The following NUP210L variants were observed in gnomAD, a reference collection of about 807,000 sequenced individuals.
NUP210L encodes the protein nuclear pore membrane glycoprotein 210-like.
A neutral mutation model predicts 208.5 loss-of-function variants in NUP210L; 74 were observed. The ratio of observed to expected loss-of-function variants is 0.35; its 90% CI spans 0.29 to 0.43. NUP210L has a LOEUF of 0.43. Ranked by LOEUF, NUP210L falls within the 20% of genes least tolerant of loss-of-function variation. NUP210L has a pLI of 1.00. For missense variants in NUP210L, 1,843 were observed against 2,289.4 expected, an observed-to-expected ratio of 0.81 and a Z score of 3.98; for synonymous variants, 780 against 816.9, an observed-to-expected ratio of 0.95 and a Z score of 0.77.
intron 17 of NUP210L, among the ~76,000 whole-genome samples, chr1:154,064,776 T>C (rs1170934569): frequency 6.6e-6 from 1 of 152,130 alleles, no homozygotes; most frequent in Non-Finnish European, 1.5e-5. Context: ...GTCAATACAT[T>C]TTAAAATTGA....
chr1:154,092,295 G>A (rs1165066056), intron 15 of NUP210L, among the ~76,000 whole-genome samples: 3 of 150,896 alleles, frequency 2.0e-5, no homozygotes, highest in African/African-American at 7.3e-5. Flanking sequence ...TACCCAGGAT[G>A]GTCTCGATCT....
chr1:154,093,419 A>G (rs1656027189), intron 15 of NUP210L, among the ~76,000 whole-genome samples: 1 of 151,910 alleles, frequency 6.6e-6, no homozygotes, highest in Admixed American at 6.6e-5. Flanking sequence ...CAAGAGCGAA[A>G]CTCCATCTCA....
chr1:154,033,517 T>C (rs1002145610), intron 27 of NUP210L, among the ~76,000 whole-genome samples: 1 of 152,198 alleles, frequency 6.6e-6, no homozygotes, highest in African/African-American at 2.4e-5. Flanking sequence ...TTTTCCGCAA[T>C]GTGTATTCTT....
intron 37 of NUP210L, among the ~76,000 whole-genome samples, chr1:153,997,257 C>G (rs1009248038): frequency 2.2e-5 from 3 of 133,686 alleles, no homozygotes; most frequent in Non-Finnish European, 4.9e-5. Context: ...AGCCATCGCG[C>G]TGGCCTTTTT....
chr1:154,044,100 T>C (rs1238507871), intron 27 of NUP210L, among the ~76,000 whole-genome samples: 2 of 152,240 alleles, frequency 1.3e-5, no homozygotes, highest in East Asian at 3.9e-4. Flanking sequence ...CACACACTCC[T>C]GTCTGTTATT....
At chr1:154,066,386 C>T (rs1338904946) in intron 17 of NUP210L, among the ~76,000 whole-genome samples, 3 of 152,236 alleles carry the variant, frequency 2.0e-5, no homozygotes, top group South Asian at 2.1e-4. Flanking sequence ...CCGAGGCGGG[C>T]GGATCACCAA....
chr1:154,084,358 A>T (rs72694300), intron 16 of NUP210L, among the ~76,000 whole-genome samples: 41,415 of 151,364 alleles, frequency 0.27, 5,953 homozygotes, highest in Admixed American at 0.37. Context: ...CTCACAGGCA[A>T]ATGCCACCAC....
chr1:154,100,447 TA>T (rs796143273), intron 13 of NUP210L, among the ~76,000 whole-genome samples: 321 of 95,656 alleles, frequency 3.4e-3, no homozygotes, highest in East Asian at 0.023. Flanking sequence ...AGACCTTACC[TA>T]AAAAAAAAAA....
At chr1:154,069,906 A>G (rs1375790447) in intron 17 of NUP210L, among the ~76,000 whole-genome samples, 7 of 152,216 alleles carry the variant, frequency 4.6e-5, no homozygotes, top group Admixed American at 2.0e-4. Context: ...TTGTAGGGAC[A>G]TGGATGAAGC....
intron 4 of NUP210L, among the ~76,000 whole-genome samples, chr1:154,140,962 C>T (rs1303469788): frequency 2.0e-5 from 3 of 149,850 alleles, no homozygotes; most frequent in Non-Finnish European, 4.4e-5. Context: ...CCACTGCACT[C>T]CAGCCTGGGA....
Position 154,080,922 on chromosome 1 carries a change from C to G in NUP210L, c.2361+8499G>C, listed in dbSNP as rs1439975243. ...CTGGGAGGTATAAGTTGCAGTGAGT[C>G]GAGATAGTGCCACCATACTCCAACC... On this transcript the variant is annotated intron_variant, in intron 16 of 39. Transcript: ENST00000368559. 4.1e-5 allele frequency among the ~76,000 whole-genome samples: 6 copies of G among 144,810 alleles called. No homozygotes were observed. The Admixed American group carries it at 4.3e-4, about 10-fold the overall frequency.
chr1:154,128,734 C>T (rs757017413), intron 8 of NUP210L, among the ~76,000 whole-genome samples: 66 of 151,978 alleles, frequency 4.3e-4, no homozygotes, highest in Non-Finnish European at 8.1e-4. Flanking sequence ...GTAGTCCCAG[C>T]TACTTGGAAG....
chr1:154,055,055 C>G (rs1302839694), intron 23 of NUP210L, among the ~76,000 whole-genome samples: 1 of 152,134 alleles, frequency 6.6e-6, no homozygotes, highest in Non-Finnish European at 1.5e-5. Context: ...TGTGCACCAC[C>G]ATGCCTGACT....
chr1:154,118,436 A>G (rs1657440860), intron 11 of NUP210L, among the ~76,000 whole-genome samples: 2 of 152,230 alleles, frequency 1.3e-5, no homozygotes, highest in Non-Finnish European at 2.9e-5. Flanking sequence ...AAAAGACACA[A>G]CAGAACTTTA....
At chr1:154,111,673 C>T (rs1471621453) in intron 12 of NUP210L, among the ~76,000 whole-genome samples, 1 of 151,518 alleles carries the variant, frequency 6.6e-6, no homozygotes, top group Non-Finnish European at 1.5e-5. Flanking sequence ...AAGCCCAGGA[C>T]TTGATGGATT....
chr1:154,010,210 A>T (rs1650825948), intron 34 of NUP210L, 89 bp from the exon 35 acceptor site: 1 of 1,198,714 alleles, frequency 8.3e-7, no homozygotes, highest in Non-Finnish European at 1.2e-6. Context: ...TTTGAAGCAT[A>T]AAAAAAATAA....
chr1:154,063,435 T>C (rs1654240483), intron 17 of NUP210L, among the ~76,000 whole-genome samples: 1 of 152,104 alleles, frequency 6.6e-6, no homozygotes, highest in South Asian at 2.1e-4. Flanking sequence ...TGGATAGTAA[T>C]AAGAGGTGAA....
intron 34 of NUP210L, among the ~76,000 whole-genome samples, chr1:154,010,745 C>T (rs1014031884): frequency 6.6e-6 from 1 of 151,882 alleles, no homozygotes; most frequent in Admixed American, 6.6e-5. Flanking sequence ...TGGCTCATGC[C>T]TGTAATCCCA....
Position 154,154,971 on chromosome 1 carries a change from A to G in NUP210L, c.74T>C (p.Leu25Pro), listed in dbSNP as rs373544195. Residue 25 changes from leucine to proline, a missense_variant, in exon 1 of 40, where the codon CTG becomes CCG. Leu to Pro is a moderately conservative substitution (Grantham distance 98). Transcript: ENST00000368559. Reference sequence around the variant, plus strand: ...CCCACGCAAAACCAGAAACAACAACAGGAGGCGGTGTAGACGCAAGAAGAA... The same window carrying G: ...CCCACGCAAAACCAGAAACAACAACGGGAGGCGGTGTAGACGCAAGAAGAA... 69 of 1,614,048 alleles carry G rather than the reference A, an allele frequency of 4.3e-5. No individual in the cohort carries two copies. Among genetic ancestry groups the G allele is most frequent in the African/African-American group, 5.3e-5 (4 of 74,948 alleles).
Sources: allele counts gnomAD v4.1 joint callset (sites outside exome capture counted in the v4.1 genomes callset), GRCh38; gene constraint gnomAD v4.1.1; transcripts MANE v1.5; gene names NCBI Gene and HGNC (gene_info 2026-07-23, HGNC 2026-07-21).